MAML2: variants seen among roughly 807,000 people sequenced by gnomAD.
MAML2 encodes mastermind like transcriptional coactivator 2, also known as mastermind-like protein 2.
Under a neutral mutation model 96.1 loss-of-function variants are expected in MAML2, and 22 were observed. The observed-to-expected ratio is 0.23, with a 90% CI of 0.16 to 0.33. The LOEUF is 0.33. Ranked by LOEUF, MAML2 falls within the 10% of genes least tolerant of loss-of-function variation. The probability of loss-of-function intolerance (pLI) is 1.00; values close to 1 mark genes in which losing one functional copy is unlikely to be tolerated. For missense variants in MAML2, 1,367 were observed against 1,392.4 expected, an observed-to-expected ratio of 0.98 and a Z score of 0.29; for synonymous variants, 561 against 521.3, an observed-to-expected ratio of 1.08 and a Z score of -1.04.
chr11:96,252,196 C>CCA (rs1315349560), intron 1 of MAML2, among the ~76,000 whole-genome samples: 2 of 151,330 alleles, frequency 1.3e-5, no homozygotes, highest in African/African-American at 2.4e-5. Context: ...CACACACACC[C>CCA]CACACACACA....
intron 2 of MAML2, among the ~76,000 whole-genome samples, chr11:96,023,903 G>A (rs762131226): frequency 6.6e-6 from 1 of 152,180 alleles, no homozygotes; most frequent in Non-Finnish European, 1.5e-5. Context: ...GGGCAGTTTT[G>A]CTGAATAAGG....
intron 1 of MAML2, among the ~76,000 whole-genome samples, chr11:96,323,095 G>A (rs1263782096): frequency 1.5e-5 from 2 of 136,180 alleles, no homozygotes; most frequent in Admixed American, 1.5e-4. Context: ...AGCATGAAAA[G>A]AGGCTACTGG....
At chr11:96,102,233 G>A (rs918940179) in intron 1 of MAML2, among the ~76,000 whole-genome samples, 3 of 152,152 alleles carry the variant, frequency 2.0e-5, no homozygotes, top group Non-Finnish European at 4.4e-5. Context: ...CCGAGATCGC[G>A]TCACTGCACT....
At chr11:96,104,326 A>G (rs1345274596) in intron 1 of MAML2, among the ~76,000 whole-genome samples, 17 of 152,234 alleles carry the variant, frequency 1.1e-4, no homozygotes. Context: ...AAACACGTCG[A>G]GATGCCGAAG....
At chr11:96,198,268 T>G (rs1318425462) in intron 1 of MAML2, among the ~76,000 whole-genome samples, 1 of 152,226 alleles carries the variant, frequency 6.6e-6, no homozygotes, top group Non-Finnish European at 1.5e-5. Flanking sequence ...ACCTCAGGAC[T>G]GCTGTGAGAA....
chr11:96,112,627 T>G (rs1475153750), intron 1 of MAML2, among the ~76,000 whole-genome samples: 2 of 152,254 alleles, frequency 1.3e-5, no homozygotes, highest in Non-Finnish European at 2.9e-5. Flanking sequence ...CCCTCCCCTC[T>G]GATTCTACTT....
At chr11:96,205,316 TC>T (rs940412000) in intron 1 of MAML2, among the ~76,000 whole-genome samples, 1 of 152,214 alleles carries the variant, frequency 6.6e-6, no homozygotes, top group Non-Finnish European at 1.5e-5. Flanking sequence ...CCAGGGACCA[TC>T]CCCGGGCCTT....
chr11:96,249,794 A>G (rs775890754), intron 1 of MAML2, among the ~76,000 whole-genome samples: 44 of 152,342 alleles, frequency 2.9e-4, no homozygotes, highest in Middle Eastern at 3.4e-3. Context: ...ACTATGCAAC[A>G]TATCTCCATA....
At chr11:96,155,437 C>T (rs1860993668) in intron 1 of MAML2, among the ~76,000 whole-genome samples, 1 of 145,748 alleles carries the variant, frequency 6.9e-6, no homozygotes, top group South Asian at 2.2e-4. Context: ...TATGATGAGA[C>T]CTTGTACATT....
chr11:96,031,671 T>C (rs949928893), intron 2 of MAML2, among the ~76,000 whole-genome samples: 2 of 152,188 alleles, frequency 1.3e-5, no homozygotes, highest in African/African-American at 2.4e-5. Context: ...TAAATTCCAG[T>C]TGCTTGATTT....
At chr11:96,000,911 T>C (rs1457104733) in intron 2 of MAML2, among the ~76,000 whole-genome samples, 1 of 152,034 alleles carries the variant, frequency 6.6e-6, no homozygotes, top group Non-Finnish European at 1.5e-5. Context: ...GGGTGAGAGG[T>C]TGGGTGGTGG....
chr11:96,256,823 A>C (rs144137328), intron 1 of MAML2, among the ~76,000 whole-genome samples: 21 of 152,348 alleles, frequency 1.4e-4, no homozygotes, highest in African/African-American at 5.1e-4. Flanking sequence ...GCTGCAATAC[A>C]TCTGGTTTGA....
At chr11:96,248,063 A>G (rs1862533651) in intron 1 of MAML2, among the ~76,000 whole-genome samples, 1 of 151,912 alleles carries the variant, frequency 6.6e-6, no homozygotes, top group African/African-American at 2.4e-5. Flanking sequence ...AATAATTTGT[A>G]CATATTGGGT....
intron 1 of MAML2, among the ~76,000 whole-genome samples, chr11:96,339,885 G>C (rs545357426): frequency 1.3e-5 from 2 of 152,300 alleles, no homozygotes; most frequent in African/African-American, 4.8e-5. Flanking sequence ...AGCGGGAATA[G>C]AGCAGGTGGT....
chr11:96,152,873 G>C (rs1046878781), intron 1 of MAML2, among the ~76,000 whole-genome samples: 2 of 152,178 alleles, frequency 1.3e-5, no homozygotes, highest in African/African-American at 4.8e-5. Flanking sequence ...CAAGCAGCCT[G>C]CCTGCCAGAA....
chr11:95,981,000 G>A (rs1447228842), intron 4 of MAML2, among the ~76,000 whole-genome samples: 3 of 152,160 alleles, frequency 2.0e-5, no homozygotes, highest in Non-Finnish European at 4.4e-5. Flanking sequence ...AGACAGGGTG[G>A]AGCCTTGGGA....
intron 2 of MAML2, among the ~76,000 whole-genome samples, chr11:96,031,829 C>CA (rs1858619879): frequency 6.6e-6 from 1 of 151,638 alleles, no homozygotes; most frequent in African/African-American, 2.4e-5. Flanking sequence ...ACTAAAAATA[C>CA]AAAAAAATTA....
At chr11:95,986,437 T>G (rs550174894) in intron 3 of MAML2, among the ~76,000 whole-genome samples, 21 of 152,062 alleles carry the variant, frequency 1.4e-4, no homozygotes, top group Non-Finnish European at 2.1e-4. Flanking sequence ...CCTGACCTCA[T>G]GATCCACCCA....
chr11:96,245,382 T>C (rs1189956683), intron 1 of MAML2, among the ~76,000 whole-genome samples: 3 of 152,198 alleles, frequency 2.0e-5, no homozygotes, highest in Non-Finnish European at 1.5e-5. Flanking sequence ...GTGAGAATTT[T>C]GTTTCCCAAG....
Sources: allele counts gnomAD v4.1 joint callset (sites outside exome capture counted in the v4.1 genomes callset), GRCh38; gene constraint gnomAD v4.1.1; transcripts MANE v1.5; gene names NCBI Gene and HGNC (gene_info 2026-07-23, HGNC 2026-07-21).